Variants in CCNY observed in about 807,000 individuals in gnomAD.
CCNY encodes the protein cyclin Y.
Under a neutral mutation model 42.8 loss-of-function variants are expected in CCNY, and 19 were observed. That is an observed-to-expected ratio of 0.44 (90% confidence interval 0.31 to 0.65). CCNY has a LOEUF of 0.65. Ranked by LOEUF, CCNY falls within the 30% of genes least tolerant of loss-of-function variation. The pLI, the probability that CCNY is intolerant of heterozygous loss-of-function variation, is 0.07. For missense variants in CCNY, 370 were observed against 437.3 expected (o/e 0.85, Z 1.37); for synonymous variants, 165 against 162.7 (o/e 1.01, Z -0.11).
chr10:35,549,015 A>G (rs1392834318), intron 7 of CCNY, among the ~76,000 whole-genome samples: 1 of 152,070 alleles, frequency 6.6e-6, no homozygotes, highest in African/African-American at 2.4e-5. Flanking sequence ...CAGAACAATA[A>G]TCTTTTTAAG....
chr10:35,534,997 ATATGTGTGTG>A (rs1840853044), intron 7 of CCNY, among the ~76,000 whole-genome samples: 1 of 47,858 alleles, frequency 2.1e-5, no homozygotes, highest in African/African-American at 6.0e-5. Context: ...AGATCTATAT[ATATGTGTGTG>A]TGTGTGTGTG....
At chr10:35,403,483 C>G (rs1267089537) in intron 1 of CCNY, among the ~76,000 whole-genome samples, 1 of 152,184 alleles carries the variant, frequency 6.6e-6, no homozygotes, top group East Asian at 1.9e-4. Flanking sequence ...CTTTAGCTAC[C>G]TTACCAGCAT....
At chr10:35,419,022 T>C (rs1250240013) in intron 1 of CCNY, among the ~76,000 whole-genome samples, 3 of 152,088 alleles carry the variant, frequency 2.0e-5, no homozygotes, top group African/African-American at 4.8e-5. Flanking sequence ...GGTTTCACCA[T>C]GTTGGCCAGG....
Position 35,430,489 on chromosome 10 carries a change from G to C in CCNY, c.155-52915G>C, listed in dbSNP as rs576603073. 2.6e-5 allele frequency among the ~76,000 whole-genome samples: 4 copies of C among 152,204 alleles called. No homozygotes were observed. The East Asian group carries it at 7.7e-4, about 29-fold the overall frequency. On this transcript the variant is annotated intron_variant, in intron 1 of 9. Coordinates refer to ENST00000374704, the MANE Select transcript of CCNY (RefSeq NM_145012.6). ...GAAAGAGGGAGAATGTGATCATCGT[G>C]TGACTGAAAATCAGGTTATCAAATG... is the stretch of plus-strand genomic sequence containing the variant.
At chr10:35,498,172 A>T (rs538539637) in intron 2 of CCNY, among the ~76,000 whole-genome samples, 1 of 152,280 alleles carries the variant, frequency 6.6e-6, no homozygotes, top group East Asian at 1.9e-4. Context: ...CAGCCAGGGA[A>T]ACTCCTGGGT....
At chr10:35,430,332 G>C (rs1338938553) in intron 1 of CCNY, among the ~76,000 whole-genome samples, 1 of 64,142 alleles carries the variant, frequency 1.6e-5, no homozygotes, top group Non-Finnish European at 2.6e-5. Context: ...GCGAGACTCC[G>C]TCTCAAAAAA....
intron 1 of CCNY, among the ~76,000 whole-genome samples, chr10:35,345,032 A>G (rs996203445): frequency 4.6e-5 from 7 of 152,208 alleles, no homozygotes; most frequent in Admixed American, 2.6e-4. Context: ...GCCGCAATAA[A>G]CATGCATGTG....
chr10:35,542,346 A>C (rs1400005845), intron 7 of CCNY, among the ~76,000 whole-genome samples: 1 of 151,982 alleles, frequency 6.6e-6, no homozygotes, highest in East Asian at 1.9e-4. Context: ...ATCACATCAA[A>C]GGTACATTTG....
chr10:35,519,776 CTTTTTTTTTTTT>C (rs1177122335), intron 4 of CCNY, among the ~76,000 whole-genome samples: 60 of 74,664 alleles, frequency 8.0e-4, no homozygotes, highest in South Asian at 5.7e-3. Flanking sequence ...CTTTTCTTTT[CTTTTTTTTTTTT>C]TTTTTTTTTT....
chr10:35,459,673 G>A (rs1259907007), intron 1 of CCNY, among the ~76,000 whole-genome samples: 1 of 152,158 alleles, frequency 6.6e-6, no homozygotes, highest in Admixed American at 6.5e-5. Flanking sequence ...CTCCTCCTAG[G>A]TTAGTAGTAG....
chr10:35,254,864 GA>G (rs142297683), intron 3 of CCNY, among the ~76,000 whole-genome samples: 3 of 138,330 alleles, frequency 2.2e-5, no homozygotes, highest in East Asian at 4.2e-4. Flanking sequence ...AAGAAAAAAA[GA>G]AAAAAAAAGG....
intron 3 of CCNY, among the ~76,000 whole-genome samples, chr10:35,295,768 C>T (rs1489181262): frequency 6.6e-6 from 1 of 152,112 alleles, no homozygotes; most frequent in Non-Finnish European, 1.5e-5. Context: ...GCTTATTTCA[C>T]TTAGCTTAAT....
intron 1 of CCNY, among the ~76,000 whole-genome samples, chr10:35,366,908 A>G (rs908599184): frequency 3.3e-5 from 5 of 152,372 alleles, no homozygotes; most frequent in African/African-American, 1.2e-4. Flanking sequence ...TAGGCAGCAC[A>G]GATTGAGGGC....
chr10:35,397,989 G>T (rs1459842069), intron 1 of CCNY, among the ~76,000 whole-genome samples: 1 of 152,206 alleles, frequency 6.6e-6, no homozygotes, highest in Non-Finnish European at 1.5e-5. Context: ...GGGAGGCACA[G>T]TGAGACCAGA....
chr10:35,528,156 A>AT (rs1840690257), intron 5 of CCNY, among the ~76,000 whole-genome samples: 1 of 152,120 alleles, frequency 6.6e-6, no homozygotes, highest in Non-Finnish European at 1.5e-5. Context: ...CTCCTGTAGC[A>AT]TCTTGAATGC....
At chr10:35,553,933 A>G (rs545871969) in intron 8 of CCNY, among the ~76,000 whole-genome samples, 1 of 152,220 alleles carries the variant, frequency 6.6e-6, no homozygotes, top group African/African-American at 2.4e-5. Context: ...GGGAAGAAGG[A>G]ATTGTAGAAA....
At chr10:35,510,654 G>A (rs899477344) in intron 3 of CCNY, among the ~76,000 whole-genome samples, 1 of 152,170 alleles carries the variant, frequency 6.6e-6, no homozygotes, top group African/African-American at 2.4e-5. Context: ...TCATGTACGT[G>A]CTAGGCACTT....
At chr10:35,339,472 ATATC>A (rs1163360840) in intron 1 of CCNY, among the ~76,000 whole-genome samples, 3 of 152,174 alleles carry the variant, frequency 2.0e-5, no homozygotes, top group Non-Finnish European at 4.4e-5. Flanking sequence ...TTGCTCATCT[ATATC>A]TGTATGTATT....
intron 8 of CCNY, among the ~76,000 whole-genome samples, chr10:35,557,394 GA>G (rs1841381827): frequency 1.3e-5 from 2 of 152,156 alleles, no homozygotes; most frequent in Non-Finnish European, 2.9e-5. Flanking sequence ...TTTTCTGGAT[GA>G]TAATGTTCTA....
Sources: allele counts gnomAD v4.1 joint callset (sites outside exome capture counted in the v4.1 genomes callset), GRCh38; gene constraint gnomAD v4.1.1; transcripts MANE v1.5; gene names NCBI Gene and HGNC (gene_info 2026-07-23, HGNC 2026-07-21).